The following TTC28 variants were observed in gnomAD, a reference collection of about 807,000 sequenced individuals.
TTC28 encodes tetratricopeptide repeat domain 28.
TTC28 carries 61 observed loss-of-function variants against 198.0 expected under a neutral mutation model. The ratio of observed to expected loss-of-function variants is 0.31; its 90% CI spans 0.25 to 0.38. The LOEUF is 0.38. Among genes scored for constraint, TTC28 ranks in the 10% least tolerant of loss-of-function variants. The pLI is 1.00. For synonymous variants in TTC28, 1,171 were observed against 1,297.8 expected, an observed-to-expected ratio of 0.90 and a Z score of 2.10; for missense variants, 2,678 against 3,164.0, an observed-to-expected ratio of 0.85 and a Z score of 3.69.
chr22:28,385,047 A>G (rs574860516), intron 2 of TTC28, among the ~76,000 whole-genome samples: 19 of 150,814 alleles, frequency 1.3e-4, no homozygotes, highest in Middle Eastern at 3.4e-3. Context: ...AGGCTGAGGC[A>G]GAAGAATTGC....
chr22:28,014,438 G>A (rs1938283272), intron 13 of TTC28, 46 bp from the exon 14 acceptor site: 1 of 1,509,610 alleles, frequency 6.6e-7, no homozygotes. Flanking sequence ...ACTCAGACAG[G>A]CAAAGACTCA....
intron 2 of TTC28, among the ~76,000 whole-genome samples, chr22:28,590,167 G>A (rs1252269341): frequency 1.0e-4 from 14 of 134,846 alleles, no homozygotes; most frequent in East Asian, 2.2e-4. Flanking sequence ...TCTCTCTGTC[G>A]CCCAGGCTGG....
chr22:28,475,161 A>G (rs2048145936), intron 2 of TTC28, among the ~76,000 whole-genome samples: 1 of 150,542 alleles, frequency 6.6e-6, no homozygotes, highest in Non-Finnish European at 1.5e-5. Context: ...AAAAAAAAAA[A>G]AAAAAAAAAA....
At chr22:28,446,701 A>AC (rs1230414805) in intron 2 of TTC28, among the ~76,000 whole-genome samples, 1 of 152,176 alleles carries the variant, frequency 6.6e-6, no homozygotes, top group Non-Finnish European at 1.5e-5. Context: ...AGCCTGCAGA[A>AC]CCATAAGCCA....
chr22:27,988,581 C>T (rs2146511410), intron 21 of TTC28, among the ~76,000 whole-genome samples: 1 of 152,238 alleles, frequency 6.6e-6, no homozygotes, highest in Non-Finnish European at 1.5e-5. Context: ...AGCCACCGCA[C>T]CCGGCAGGAA....
chr22:28,426,431 C>A (rs1182687891), intron 2 of TTC28, among the ~76,000 whole-genome samples: 1 of 152,038 alleles, frequency 6.6e-6, no homozygotes, highest in East Asian at 1.9e-4. Context: ...TTACATAGTC[C>A]ATTTTCTGAA....
intron 6 of TTC28, among the ~76,000 whole-genome samples, chr22:28,152,418 TCAGATCCACAA>T (rs1943632061): frequency 2.0e-5 from 3 of 151,996 alleles, no homozygotes; most frequent in African/African-American, 7.3e-5. Context: ...TGGCTCCCAC[TCAGATCCACAA>T]TGGGGCATGT....
At chr22:28,467,108 CG>C (rs2048032764) in intron 2 of TTC28, among the ~76,000 whole-genome samples, 1 of 152,130 alleles carries the variant, frequency 6.6e-6, no homozygotes, top group African/African-American at 2.4e-5. Flanking sequence ...AAATTCTAAA[CG>C]AATGCTTTCA....
chr22:28,549,608 C>G (rs1180181754), intron 2 of TTC28, among the ~76,000 whole-genome samples: 1 of 152,132 alleles, frequency 6.6e-6, no homozygotes, highest in Non-Finnish European at 1.5e-5. Flanking sequence ...ATTACAATGC[C>G]TAAAGTTAAT....
At chr22:28,585,913 C>T (rs963948825) in intron 2 of TTC28, among the ~76,000 whole-genome samples, 29 of 151,824 alleles carry the variant, frequency 1.9e-4, no homozygotes, top group Non-Finnish European at 7.4e-5. Context: ...CCACCATGCC[C>T]CATGTATACC....
At chr22:28,055,902 C>G (rs1021056666) in intron 12 of TTC28, among the ~76,000 whole-genome samples, 2 of 152,040 alleles carry the variant, frequency 1.3e-5, no homozygotes, top group East Asian at 1.9e-4. Context: ...TATTGTATAG[C>G]CTTTTGCCTG....
chr22:28,387,175 A>G (rs1340398987), intron 2 of TTC28, among the ~76,000 whole-genome samples: 6 of 152,174 alleles, frequency 3.9e-5, no homozygotes, highest in Non-Finnish European at 5.9e-5. Context: ...ACGTGAACTC[A>G]TCATTTTTTA....
intron 2 of TTC28, among the ~76,000 whole-genome samples, chr22:28,497,142 A>G (rs2048467285): frequency 6.6e-6 from 1 of 152,164 alleles, no homozygotes; most frequent in Non-Finnish European, 1.5e-5. Flanking sequence ...ACTTATCGAC[A>G]TCTAATATAT....
chr22:27,999,471 T>C (rs1937615945), intron 15 of TTC28: 2 of 718,538 alleles, frequency 2.8e-6, no homozygotes, highest in Non-Finnish European at 4.4e-6. Context: ...TGATGAGCCC[T>C]TGGAAACCAT....
intron 2 of TTC28, among the ~76,000 whole-genome samples, chr22:28,506,763 G>A (rs1420672835): frequency 6.6e-6 from 1 of 152,170 alleles, no homozygotes. Context: ...TCCAGGCATG[G>A]GAAAAGCCCA....
Position 28,217,539 on chromosome 22 carries a change from G to C in TTC28, c.934-53940C>G, listed in dbSNP as rs534321081. ...TCAAGGCTAACAGGATAAAGGCAAA[G>C]CACATTTATTGTCATTAGTGAAATG... On this transcript the variant is annotated intron_variant, in intron 5 of 22. Coordinates refer to ENST00000397906, the MANE Select transcript of TTC28 (RefSeq NM_001145418.2). Among the ~76,000 whole-genome samples, 30 of 152,280 alleles carry C rather than the reference G, an allele frequency of 2.0e-4. No individual in the cohort carries two copies. In the East Asian group the frequency reaches 5.8e-3, roughly 29 times the overall value.
At chr22:28,360,798 C>T (rs1254264563) in intron 2 of TTC28, among the ~76,000 whole-genome samples, 1 of 152,178 alleles carries the variant, frequency 6.6e-6, no homozygotes, top group Admixed American at 6.5e-5. Context: ...CTGCATTGAG[C>T]AAGTCTATTG....
chr22:28,369,701 A>G (rs1476025930), intron 2 of TTC28, among the ~76,000 whole-genome samples: 4 of 151,346 alleles, frequency 2.6e-5, no homozygotes, highest in African/African-American at 9.7e-5. Flanking sequence ...CGTTTACAGA[A>G]GTAAACAAAA....
At chr22:28,061,252 T>C (rs539521837) in intron 12 of TTC28, among the ~76,000 whole-genome samples, 2 of 152,382 alleles carry the variant, frequency 1.3e-5, no homozygotes, top group Non-Finnish European at 2.9e-5. Flanking sequence ...TTAGCTTTTG[T>C]TGCCATTGCT....
Sources: allele counts gnomAD v4.1 joint callset (sites outside exome capture counted in the v4.1 genomes callset), GRCh38; gene constraint gnomAD v4.1.1; transcripts MANE v1.5; gene names NCBI Gene and HGNC (gene_info 2026-07-23, HGNC 2026-07-21).